Variants in ADAMTSL1 observed in about 807,000 individuals in gnomAD.
The protein encoded by ADAMTSL1 is ADAMTS-like protein 1.
Under a neutral mutation model 201.8 loss-of-function variants are expected in ADAMTSL1, and 126 were observed. The observed-to-expected ratio is 0.62, with a 90% CI of 0.54 to 0.72. The LOEUF (loss-of-function observed/expected upper bound fraction) is 0.72. ADAMTSL1 is among the 30% of genes least tolerant of loss of function. ADAMTSL1 has a pLI of 0.00. For synonymous variants in ADAMTSL1, 1,121 were observed against 903.4 expected, an observed-to-expected ratio of 1.24 and a Z score of -4.32; for missense variants, 2,679 against 2,277.8, an observed-to-expected ratio of 1.18 and a Z score of -3.59.
chr9:18,837,082 G>C (rs900680391), intron 23 of ADAMTSL1, among the ~76,000 whole-genome samples: 5 of 151,962 alleles, frequency 3.3e-5, no homozygotes, highest in African/African-American at 1.2e-4. Context: ...TTTCTTATTG[G>C]GATGCCTTTT....
chr9:18,169,341 T>C (rs952833665), intron 2 of ADAMTSL1, among the ~76,000 whole-genome samples: 1 of 152,066 alleles, frequency 6.6e-6, no homozygotes, highest in African/African-American at 2.4e-5. Context: ...GCTTTCTACA[T>C]ATGGCTAGCC....
At chr9:18,338,915 G>T (rs1835356153) in intron 2 of ADAMTSL1, among the ~76,000 whole-genome samples, 1 of 152,040 alleles carries the variant, frequency 6.6e-6, no homozygotes, top group African/African-American at 2.4e-5. Flanking sequence ...TTAAGATATG[G>T]CCTCCAGATC....
At chr9:18,615,861 G>C (rs57691363) in intron 4 of ADAMTSL1, among the ~76,000 whole-genome samples, 15,723 of 152,132 alleles carry the variant, frequency 0.1, 896 homozygotes, top group Middle Eastern at 0.18. Context: ...GTGACAGAGA[G>C]TGCTGCTGCT....
chr9:18,417,728 A>G (rs962486148), intron 2 of ADAMTSL1, among the ~76,000 whole-genome samples: 3 of 152,182 alleles, frequency 2.0e-5, no homozygotes, highest in African/African-American at 7.2e-5. Flanking sequence ...TTGAATTTGT[A>G]GTTAAAGTTT....
At chr9:18,314,791 T>TG (rs1834304220) in intron 2 of ADAMTSL1, among the ~76,000 whole-genome samples, 1 of 89,190 alleles carries the variant, frequency 1.1e-5, no homozygotes, top group Non-Finnish European at 2.6e-5. Context: ...GCTTTTTTTT[T>TG]TTTTTTTTTT....
intron 2 of ADAMTSL1, among the ~76,000 whole-genome samples, chr9:18,515,417 C>T (rs573668368): frequency 6.6e-6 from 1 of 152,164 alleles, no homozygotes; most frequent in Non-Finnish European, 1.5e-5. Context: ...TCACTGCAAC[C>T]TTTGCCTCCC....
Position 18,560,745 on chromosome 9 carries a change from T to G in ADAMTSL1, c.238-13285T>G, listed in dbSNP as rs116962912. On this transcript the variant is annotated intron_variant, in intron 3 of 28. Transcript: ENST00000380548. ...CCTGGTTTAGTCTTGGGAGGGTGTA[T>G]GCCCAGAAATTTATCCCTTTCTTCT... Among the ~76,000 whole-genome samples, 920 of 152,174 alleles carry G rather than the reference T, an allele frequency of 6.0e-3. 3 individuals carry two copies. Among genetic ancestry groups the G allele is most frequent in the Non-Finnish European group, 1.0e-2 (679 of 67,986 alleles).
chr9:18,457,312 A>G (rs10963612), intron 2 of ADAMTSL1, among the ~76,000 whole-genome samples: 3,893 of 152,144 alleles, frequency 0.026, 161 homozygotes, highest in African/African-American at 0.09. Context: ...TTATAGACAT[A>G]TATTAAGGAG....
intron 2 of ADAMTSL1, among the ~76,000 whole-genome samples, chr9:18,168,483 C>T (rs1827735642): frequency 6.6e-6 from 1 of 151,908 alleles, no homozygotes; most frequent in African/African-American, 2.4e-5. Context: ...GCATAGTATT[C>T]CATGGTATAT....
At chr9:18,507,762 T>G (rs748139151) in intron 2 of ADAMTSL1, among the ~76,000 whole-genome samples, 1 of 152,132 alleles carries the variant, frequency 6.6e-6, no homozygotes, top group Non-Finnish European at 1.5e-5. Flanking sequence ...ACAGAAAATA[T>G]ATATCATTTC....
At chr9:18,216,607 C>T (rs1224650661) in intron 2 of ADAMTSL1, among the ~76,000 whole-genome samples, 2 of 150,452 alleles carry the variant, frequency 1.3e-5, no homozygotes, top group Non-Finnish European at 2.9e-5. Flanking sequence ...CCTTACATAA[C>T]AGATTTGGGC....
At chr9:18,167,529 A>G (rs1390755762) in intron 2 of ADAMTSL1, among the ~76,000 whole-genome samples, 1 of 151,954 alleles carries the variant, frequency 6.6e-6, no homozygotes, top group African/African-American at 2.4e-5. Flanking sequence ...ATCAACTGAA[A>G]TAAAAAAATG....
At position 18,545,651 on chromosome 9, in the gene ADAMTSL1, A is replaced by G. The variant is rs566461340; in HGVS notation, c.237+12359A>G. On this transcript the variant is annotated intron_variant, in intron 3 of 28. Transcript: ENST00000380548. ...TTGAGCGTCTCTGCCTGTCAAGAGG[A>G]TATAAATTTATTAAGTCAATACTCC... Among the ~76,000 whole-genome samples the G allele has an allele frequency of 2.6e-5, 4 of 152,168 alleles. No homozygotes were observed. In the East Asian group the frequency reaches 7.7e-4, roughly 29 times the overall value.
At chr9:18,796,902 G>C (rs1325877866) in intron 20 of ADAMTSL1, 5 of 152,218 alleles carry the variant, frequency 3.3e-5, no homozygotes, top group Admixed American at 2.0e-4. Context: ...CTTGCTGGCA[G>C]ATAGTGGCTC....
chr9:18,077,901 C>A (rs1229531541), intron 1 of ADAMTSL1, among the ~76,000 whole-genome samples: 1 of 151,942 alleles, frequency 6.6e-6, no homozygotes, highest in Non-Finnish European at 1.5e-5. Flanking sequence ...AAGATGCAGC[C>A]CATTTAGGAA....
intron 1 of ADAMTSL1, among the ~76,000 whole-genome samples, chr9:17,918,393 A>G (rs975987026): frequency 1.9e-4 from 29 of 151,202 alleles, no homozygotes; most frequent in African/African-American, 7.0e-4. Context: ...TCTTTGACTC[A>G]TGGCTATTTA....
intron 2 of ADAMTSL1, among the ~76,000 whole-genome samples, chr9:18,523,380 A>T (rs184313071): frequency 6.6e-6 from 1 of 152,004 alleles, no homozygotes; most frequent in Non-Finnish European, 1.5e-5. Context: ...ATTTTCTCCC[A>T]TTCTGTAGGT....
intron 2 of ADAMTSL1, among the ~76,000 whole-genome samples, chr9:18,510,114 A>G (rs911583545): frequency 6.6e-6 from 1 of 152,220 alleles, no homozygotes; most frequent in Non-Finnish European, 1.5e-5. Flanking sequence ...TTCTAGCTCT[A>G]GTAATATGAC....
At chr9:18,066,156 C>G (rs773591590) in intron 1 of ADAMTSL1, among the ~76,000 whole-genome samples, 3 of 151,954 alleles carry the variant, frequency 2.0e-5, no homozygotes, top group Non-Finnish European at 4.4e-5. Context: ...GCATAAATCC[C>G]GAAAACAATT....
Sources: gnomAD v4.1 joint callset for allele counts (sites outside exome capture counted in the v4.1 genomes callset) on GRCh38, gnomAD v4.1.1 for gene constraint, MANE v1.5 for transcripts, NCBI Gene and HGNC (gene_info 2026-07-23, HGNC 2026-07-21) for gene names.